The following PRR16 variants were observed in gnomAD, a reference collection of about 807,000 sequenced individuals.
The protein encoded by PRR16 is proline rich 16.
PRR16 carries 6 observed loss-of-function variants against 18.2 expected under a neutral mutation model. The ratio of observed to expected loss-of-function variants is 0.33; its 90% confidence interval spans 0.18 to 0.65. PRR16 has a LOEUF of 0.65. Ranked by LOEUF, PRR16 falls within the 30% of genes least tolerant of loss-of-function variation. The probability of loss-of-function intolerance (pLI) is 0.74; values close to 1 mark genes in which losing one functional copy is unlikely to be tolerated. For synonymous variants in PRR16, 151 were observed against 147.8 expected (o/e 1.02, Z -0.16); for missense variants, 412 against 376.6 (o/e 1.09, Z -0.78).
intron 1 of PRR16, among the ~76,000 whole-genome samples, chr5:120,673,974 C>G (rs1756706352): frequency 6.7e-6 from 1 of 150,226 alleles, no homozygotes; most frequent in East Asian, 2.0e-4. Flanking sequence ...AAAAAACCTA[C>G]TAAAACATGT....
At chr5:120,611,194 T>C (rs535666253) in intron 1 of PRR16, among the ~76,000 whole-genome samples, 19 of 152,272 alleles carry the variant, frequency 1.2e-4, no homozygotes, top group African/African-American at 4.3e-4. Context: ...AGTGGTGACT[T>C]GGGTGCTGTT....
At chr5:120,507,743 T>G (rs569487331) in intron 1 of PRR16, among the ~76,000 whole-genome samples, 38 of 152,116 alleles carry the variant, frequency 2.5e-4, no homozygotes, top group Non-Finnish European at 4.0e-4. Context: ...TTAACCATTT[T>G]TTTTAAGGTT....
the PRR16 span, among the ~76,000 whole-genome samples, chr5:120,693,106 G>A: frequency 2.6e-5 from 4 of 152,242 alleles, no homozygotes; most frequent in South Asian, 8.3e-4. Context: ...CTGTGATGAT[G>A]TAAATTATGA....
the PRR16 span, among the ~76,000 whole-genome samples, chr5:120,700,808 G>A: frequency 2.0e-5 from 3 of 152,246 alleles, no homozygotes; most frequent in East Asian, 1.9e-4. Context: ...GCTCGGCGTC[G>A]GTGATGGTCT....
chr5:120,505,876 A>G (rs1163303443), intron 1 of PRR16, among the ~76,000 whole-genome samples: 1 of 151,574 alleles, frequency 6.6e-6, no homozygotes, highest in African/African-American at 2.4e-5. Flanking sequence ...ACGCGTATAC[A>G]TATGTGTATG....
intron 1 of PRR16, among the ~76,000 whole-genome samples, chr5:120,514,072 C>G (rs1750912669): frequency 6.6e-6 from 1 of 152,042 alleles, no homozygotes; most frequent in Non-Finnish European, 1.5e-5. Context: ...CTGTTTTATT[C>G]ATTATCATAT....
At chr5:120,492,255 AGTGTGTGTGTGTGT>A (rs3991307) in intron 1 of PRR16, among the ~76,000 whole-genome samples, 13 of 138,058 alleles carry the variant, frequency 9.4e-5, no homozygotes, top group Admixed American at 1.5e-4. Flanking sequence ...CGCTAATTTG[AGTGTGTGTGTGTGT>A]GTGTGTGTGT....
intron 1 of PRR16, among the ~76,000 whole-genome samples, chr5:120,595,500 G>T (rs111484858): frequency 0.01 from 1,576 of 152,066 alleles, 11 homozygotes; most frequent in Non-Finnish European, 0.018. Flanking sequence ...ACTGCTAGTG[G>T]CAGTGTAAAT....
intron 1 of PRR16, among the ~76,000 whole-genome samples, chr5:120,522,306 T>G (rs1042473072): frequency 2.0e-5 from 3 of 152,234 alleles, no homozygotes; most frequent in African/African-American, 7.2e-5. Flanking sequence ...AAAGTGTTCC[T>G]ATTTCTCCAC....
At chr5:120,540,925 C>G (rs1751893172) in intron 1 of PRR16, among the ~76,000 whole-genome samples, 1 of 152,002 alleles carries the variant, frequency 6.6e-6, no homozygotes, top group Admixed American at 6.5e-5. Context: ...TTCAGCCCAC[C>G]CTGACAGAAT....
chr5:120,469,800 G>T (rs977401180), intron 1 of PRR16, among the ~76,000 whole-genome samples: 1 of 152,086 alleles, frequency 6.6e-6, no homozygotes, highest in Non-Finnish European at 1.5e-5. Context: ...AGGCATGATG[G>T]CCTAGCAGTT....
chr5:120,549,644 C>G (rs1357856747), intron 1 of PRR16, among the ~76,000 whole-genome samples: 1 of 151,910 alleles, frequency 6.6e-6, no homozygotes, highest in South Asian at 2.1e-4. Context: ...AGGAGCTAAA[C>G]ATGTCTTGGC....
At chr5:120,503,165 G>A (rs10035683) in intron 1 of PRR16, among the ~76,000 whole-genome samples, 41,483 of 151,824 alleles carry the variant, frequency 0.27, 6,976 homozygotes, top group African/African-American at 0.48. Flanking sequence ...GAACATTTTT[G>A]TAAATATCAT....
At chr5:120,611,624 G>C (rs1299016566) in intron 1 of PRR16, among the ~76,000 whole-genome samples, 2 of 152,210 alleles carry the variant, frequency 1.3e-5, no homozygotes, top group Non-Finnish European at 2.9e-5. Flanking sequence ...GAGCCTGCAA[G>C]TACACAGAAG....
rs765573335 is a variant in PRR16, at chr5:120,686,520, A to G, written c.726A>G (p.Gly242=). Residue 242 remains glycine, a synonymous_variant, in exon 2 of 2, where the codon GGA becomes GGG. Transcript: ENST00000407149. ...HLHSEPVHPP[G]KIPHQGPPLP... is the part of the protein sequence containing the mutation. ...ACAGTGAACCTGTCCACCCACCGGG[A>G]AAGATTCCTCACCAAGGCCCTCCCC... The G allele has an allele frequency of 1.2e-6, 2 of 1,613,774 alleles. No individual in the cohort carries two copies. Among genetic ancestry groups the G allele is most frequent in the Non-Finnish European group, 1.7e-6 (2 of 1,179,918 alleles).
At chr5:120,653,491 T>C (rs1755862481) in intron 1 of PRR16, among the ~76,000 whole-genome samples, 1 of 151,984 alleles carries the variant, frequency 6.6e-6, no homozygotes, top group Non-Finnish European at 1.5e-5. Context: ...ATTTTTACCA[T>C]GTCTGTTTTT....
intron 1 of PRR16, among the ~76,000 whole-genome samples, chr5:120,607,496 G>A (rs1391949364): frequency 6.6e-6 from 1 of 152,166 alleles, no homozygotes; most frequent in African/African-American, 2.4e-5. Context: ...ATTCATGGGT[G>A]CAGATGGAGT....
the PRR16 span, among the ~76,000 whole-genome samples, chr5:120,786,063 TCA>T: frequency 1.3e-5 from 2 of 150,784 alleles, no homozygotes; most frequent in African/African-American, 4.8e-5. Context: ...CATTAGTATT[TCA>T]CAGTTTGTGG....
the PRR16 span, among the ~76,000 whole-genome samples, chr5:120,697,368 G>A: frequency 2.0e-5 from 3 of 152,214 alleles, no homozygotes; most frequent in African/African-American, 7.2e-5. Flanking sequence ...TGTCAGACAC[G>A]AAGATAAAAA....
Sources: gnomAD v4.1 joint callset for allele counts (sites outside exome capture counted in the v4.1 genomes callset) on GRCh38, gnomAD v4.1.1 for gene constraint, MANE v1.5 for transcripts, NCBI Gene and HGNC (gene_info 2026-07-23, HGNC 2026-07-21) for gene names.